Variants in FSTL4 observed in about 807,000 individuals in gnomAD.
The protein encoded by FSTL4 is follistatin like 4, also known as follistatin-related protein 4.
FSTL4 carries 28 observed loss-of-function variants against 78.2 expected under a neutral mutation model. The ratio of observed to expected loss-of-function variants is 0.36; its 90% CI spans 0.27 to 0.49. The LOEUF (loss-of-function observed/expected upper bound fraction) is 0.49. FSTL4 is among the 20% of genes least tolerant of loss of function. FSTL4 has a pLI of 0.98. For synonymous variants in FSTL4, 422 were observed against 440.5 expected (o/e 0.96, Z 0.53); for missense variants, 922 against 1,084.9 (o/e 0.85, Z 2.11).
At chr5:133,525,386 C>T (rs899112936) in intron 3 of FSTL4, among the ~76,000 whole-genome samples, 4 of 152,178 alleles carry the variant, frequency 2.6e-5, no homozygotes, top group African/African-American at 9.7e-5. Flanking sequence ...TTCTTTGTTT[C>T]CCACTGAGAA....
At chr5:133,655,920 G>A in the FSTL4 span, among the ~76,000 whole-genome samples, 15 of 152,132 alleles carry the variant, frequency 9.9e-5, no homozygotes, top group African/African-American at 3.4e-4. Flanking sequence ...TGAGAAAACC[G>A]AGCATAAAAG....
chr5:133,660,238 C>A, the FSTL4 span, among the ~76,000 whole-genome samples: 1 of 152,152 alleles, frequency 6.6e-6, no homozygotes, highest in Non-Finnish European at 1.5e-5. Flanking sequence ...AGAAGGAGAC[C>A]CTCTCCTTTC....
chr5:133,253,426 C>T (rs1481957235), intron 6 of FSTL4, among the ~76,000 whole-genome samples: 1 of 152,192 alleles, frequency 6.6e-6, no homozygotes, highest in Non-Finnish European at 1.5e-5. Flanking sequence ...AGGGCTTGGG[C>T]CCCCCTCGCT....
chr5:133,838,976 G>T, the FSTL4 span, among the ~76,000 whole-genome samples: 2 of 152,208 alleles, frequency 1.3e-5, no homozygotes, highest in South Asian at 4.1e-4. Flanking sequence ...GGCTCCAGTT[G>T]TCCTTGATAG....
At chr5:133,389,884 C>G (rs1755800963) in intron 4 of FSTL4, among the ~76,000 whole-genome samples, 1 of 152,034 alleles carries the variant, frequency 6.6e-6, no homozygotes, top group Non-Finnish European at 1.5e-5. Flanking sequence ...GAAACAGAGA[C>G]AAAGATGGGG....
the FSTL4 span, among the ~76,000 whole-genome samples, chr5:133,841,100 G>A: frequency 6.6e-6 from 1 of 152,202 alleles, no homozygotes; most frequent in Non-Finnish European, 1.5e-5. Context: ...CTCTCTCCCT[G>A]CAATTCCTGG....
Position 133,591,931 on chromosome 5 carries a change from G to A in FSTL4, c.126+11927C>T, listed in dbSNP as rs148636131. ...TTCTTTGTACATGAGCATGTTAGCA[G>A]GCGATTCTGCTCCTGGCCACCAAAG... On this transcript the variant is annotated intron_variant, in intron 2 of 15. Coordinates refer to ENST00000265342, the MANE Select transcript of FSTL4 (RefSeq NM_015082.2). 1.9e-3 allele frequency among the ~76,000 whole-genome samples: 296 copies of A among 152,140 alleles called. 1 individual carries two copies. The highest frequency in any genetic ancestry group is 6.9e-3 in the African/African-American group (285 of 41,500).
At chr5:133,429,654 T>C (rs1388567025) in intron 3 of FSTL4, among the ~76,000 whole-genome samples, 1 of 152,166 alleles carries the variant, frequency 6.6e-6, no homozygotes, top group Non-Finnish European at 1.5e-5. Context: ...GTCATTTGGA[T>C]TCCCTGTACT....
the FSTL4 span, among the ~76,000 whole-genome samples, chr5:133,748,331 A>G: frequency 6.6e-6 from 1 of 152,120 alleles, no homozygotes; most frequent in Non-Finnish European, 1.5e-5. Context: ...GCACTTTGGG[A>G]GGCCAAGGCA....
Position 133,230,218 on chromosome 5 carries a change from T to C in FSTL4, c.1015+3199A>G, listed in dbSNP as rs529138073. Among the ~76,000 whole-genome samples the C allele has an allele frequency of 1.1e-4, 17 of 152,114 alleles. No homozygotes were observed. The East Asian group carries it at 1.4e-3, about 12-fold the overall frequency. On this transcript the variant is annotated intron_variant, in intron 8 of 15. Transcript: ENST00000265342. Reference sequence around the variant, plus strand: ...ATCCTGCAGACCCACATGAATCGCATAGGGGCAGGTCGGGGGAGCCTGGTA... The same window carrying C: ...ATCCTGCAGACCCACATGAATCGCACAGGGGCAGGTCGGGGGAGCCTGGTA...
chr5:133,547,944 C>G (rs73788142), intron 3 of FSTL4, among the ~76,000 whole-genome samples: 2,888 of 152,198 alleles, frequency 0.019, 95 homozygotes, highest in African/African-American at 0.065. Flanking sequence ...AGTGATAATA[C>G]CTACAAAATA....
At chr5:133,797,152 T>A in the FSTL4 span, among the ~76,000 whole-genome samples, 1 of 152,230 alleles carries the variant, frequency 6.6e-6, no homozygotes, top group Non-Finnish European at 1.5e-5. Flanking sequence ...GGCAGTCAGA[T>A]TCCAGTTTGG....
chr5:133,200,031 T>G (rs552438024), intron 15 of FSTL4, among the ~76,000 whole-genome samples: 2 of 152,312 alleles, frequency 1.3e-5, no homozygotes, highest in African/African-American at 4.8e-5. Flanking sequence ...TCTTGTAACA[T>G]GCACTCATCG....
Position 133,338,138 on chromosome 5 carries a change from G to A in FSTL4, c.410-21486C>T, listed in dbSNP as rs1370497729. Among the ~76,000 whole-genome samples the A allele has an allele frequency of 6.6e-6, 1 of 152,204 alleles. No individual in the cohort carries two copies. The highest frequency in any genetic ancestry group is 1.9e-4 in the East Asian group (1 of 5,196). ...TCTCCCAGGTCACCCATGGGGAGAT[G>A]TCTGATTGGCAGGTGTAAATGTCGA... On this transcript the variant is annotated intron_variant, in intron 4 of 15. Transcript: ENST00000265342. The surrounding 1 kb of genome is among the most constrained non-coding windows in gnomAD (Gnocchi z 4.0).
At chr5:133,378,268 G>C (rs1027565071) in intron 4 of FSTL4, among the ~76,000 whole-genome samples, 2 of 152,096 alleles carry the variant, frequency 1.3e-5, no homozygotes, top group African/African-American at 4.8e-5. Context: ...CTCCTTTCTT[G>C]TTAGCTGATT....
intron 3 of FSTL4, among the ~76,000 whole-genome samples, chr5:133,425,258 G>A (rs1047744432): frequency 1.3e-5 from 2 of 152,172 alleles, no homozygotes; most frequent in Non-Finnish European, 2.9e-5. Flanking sequence ...TAAGTCCGAG[G>A]TTTGTCTTAA....
intron 3 of FSTL4, among the ~76,000 whole-genome samples, chr5:133,401,879 G>A (rs187969225): frequency 7.2e-5 from 11 of 152,256 alleles, no homozygotes; most frequent in Non-Finnish European, 1.6e-4. Flanking sequence ...GGGGGTCAAG[G>A]TGTGATTTCT....
chr5:133,364,129 T>C lies in FSTL4; in HGVS notation c.409+36609A>G, dbSNP rs141230235. On this transcript the variant is annotated intron_variant, in intron 4 of 15. Coordinates refer to ENST00000265342, the MANE Select transcript of FSTL4 (RefSeq NM_015082.2). ...CTGACATTCCAGCATCAGCAGGCGATTGACAACTCAGAAATATGGAACCAA... is the reference window on the plus strand; with the variant it reads ...CTGACATTCCAGCATCAGCAGGCGACTGACAACTCAGAAATATGGAACCAA... 3.4e-3 allele frequency among the ~76,000 whole-genome samples: 520 copies of C among 152,328 alleles called. 5 individuals are homozygous for C. Among genetic ancestry groups the C allele is most frequent in the African/African-American group, 0.012 (497 of 41,574 alleles).
the FSTL4 span, among the ~76,000 whole-genome samples, chr5:133,749,895 C>T: frequency 6.6e-6 from 1 of 152,192 alleles, no homozygotes; most frequent in Admixed American, 6.5e-5. Context: ...GGTATTATAA[C>T]AGCTCAAGTG....
Sources: allele counts gnomAD v4.1 joint callset (sites outside exome capture counted in the v4.1 genomes callset), GRCh38; gene constraint gnomAD v4.1.1; non-coding constraint Gnocchi (gnomAD v3.1); transcripts MANE v1.5; gene names NCBI Gene and HGNC (gene_info 2026-07-23, HGNC 2026-07-21).